Variants in TNFRSF1B observed in about 807,000 individuals in gnomAD.
TNFRSF1B encodes the protein tumor necrosis factor receptor superfamily member 1B.
Under a neutral mutation model 44.6 loss-of-function variants are expected in TNFRSF1B, and 19 were observed. That is an observed-to-expected ratio of 0.43 (90% confidence interval 0.30 to 0.62). The LOEUF (loss-of-function observed/expected upper bound fraction) is 0.62. Ranked by LOEUF, TNFRSF1B falls within the 20% of genes least tolerant of loss-of-function variation. TNFRSF1B has a pLI of 0.16. For synonymous variants in TNFRSF1B, 252 were observed against 261.1 expected (o/e 0.97, Z 0.34); for missense variants, 541 against 619.9 (o/e 0.87, Z 1.35).
rs1638676931 is a variant in TNFRSF1B at position 12,177,140 on chromosome 1, C to T, written c.78+9971C>T. Among the ~76,000 whole-genome samples, 1 of 152,104 alleles carries T rather than the reference C, an allele frequency of 6.6e-6. No individual in the cohort carries two copies. The highest frequency in any genetic ancestry group is 2.4e-5 in the African/African-American group (1 of 41,426). ...ACCTCAGCCTCCCAAGTAGCTGGGA[C>T]TACAGGCGTGCCCCACCACGCCTGG... On this transcript the variant is annotated intron_variant, in intron 1 of 9. Coordinates refer to ENST00000376259, the MANE Select transcript of TNFRSF1B (RefSeq NM_001066.3). This position sits in a 1 kb window ranked among gnomAD's most constrained non-coding sequence, Gnocchi z 4.3.
chr1:12,197,923 A>T (rs1467257442), intron 8 of TNFRSF1B, among the ~76,000 whole-genome samples: 1 of 152,166 alleles, frequency 6.6e-6, no homozygotes, highest in Non-Finnish European at 1.5e-5. Flanking sequence ...CAGGAGATCG[A>T]GACCATCCTG....
chr1:12,191,224 C>A lies in TNFRSF1B; in HGVS notation c.307+139C>A, dbSNP rs79292176. On this transcript the variant is annotated intron_variant, in intron 3 of 9. Coordinates refer to ENST00000376259, the MANE Select transcript of TNFRSF1B (RefSeq NM_001066.3). ...AAGTGGCACAGGTGCAGCTGTTTAC[C>A]CCTACCACTGGCATTTTCCTCCTCT... is the stretch of plus-strand genomic sequence containing the variant. The A allele has an allele frequency of 2.5e-4, 290 of 1,178,344 alleles. No individual in the cohort carries two copies. The East Asian group carries it at 6.7e-3, about 27-fold the overall frequency. The allele number at this position is 1,178,344 out of a possible 1,614,324, so 73.0% of individuals were successfully genotyped here.
intron 1 of TNFRSF1B, among the ~76,000 whole-genome samples, chr1:12,181,153 C>A (rs1020210380): frequency 1.3e-5 from 2 of 152,162 alleles, no homozygotes; most frequent in African/African-American, 4.8e-5. Flanking sequence ...CCCACACTTA[C>A]CCTGGAGGCA....
At position 12,191,870 on chromosome 1, in the gene TNFRSF1B, G is replaced by T; in HGVS notation, c.404G>T (p.Arg135Leu). 6.2e-7 allele frequency: 1 copy of T among 1,611,660 alleles called. No homozygotes were observed. Among genetic ancestry groups the T allele is most frequent in the Non-Finnish European group, 8.5e-7 (1 of 1,179,538 alleles). Residue 135 changes from arginine to leucine, a missense_variant, in exon 4 of 10, where the codon CGG becomes CTG. By Grantham distance (102) the Arg-to-Leu change is moderately radical. Transcript: ENST00000376259. ...YCALSKQEGC[R>L]LCAPLRKCRP... is the part of the protein sequence containing the mutation. Reference sequence around the variant, plus strand: ...GCGCTGAGCAAGCAGGAGGGGTGCCGGCTGTGCGCGCCGCTGCGCAAGTGC... The same window carrying T: ...GCGCTGAGCAAGCAGGAGGGGTGCCTGCTGTGCGCGCCGCTGCGCAAGTGC...
rs5746026 is a variant in TNFRSF1B, at chr1:12,193,005, G to A, written c.694G>A (p.Glu232Lys). ...TRSQHTQPTP[E>K]PSTAPSTSFL... ...ATCCCAACACACGCAGCCAACTCCA[G>A]AACCCAGCACTGCTCCAAGCACCTC... The change falls in exon 6 of 10, where the codon GAA becomes AAA. Residue 232 changes from glutamate (E) to lysine (K), a missense_variant. By Grantham distance (56) the Glu-to-Lys change is moderately conservative. Transcript: ENST00000376259. 54,025 of 1,614,192 alleles carry A rather than the reference G, an allele frequency of 0.033. 1,000 individuals carry two copies. Among genetic ancestry groups the A allele is most frequent in the East Asian group, 0.041 (1,825 of 44,882 alleles).
At chr1:12,185,050 G>C (rs530060917) in intron 1 of TNFRSF1B, among the ~76,000 whole-genome samples, 38 of 152,316 alleles carry the variant, frequency 2.5e-4, no homozygotes, top group African/African-American at 8.4e-4. Context: ...AGCCTTCAGG[G>C]AAGGCAGTTT....
In TNFRSF1B at chr1:12,186,331, G is replaced by A. The variant is rs1035881703; in HGVS notation, c.79-2465G>A. ...GACTCCCAGGCAGTGCTGTGAGGAA[G>A]GGGAGGAGGAGGCACACTGAACCCA... is the stretch of plus-strand genomic sequence containing the variant. On this transcript the variant is annotated intron_variant, in intron 1 of 9. Coordinates refer to ENST00000376259, the MANE Select transcript of TNFRSF1B (RefSeq NM_001066.3). This position sits in a 1 kb window ranked among gnomAD's most constrained non-coding sequence, Gnocchi z 4.8. 6.6e-6 allele frequency among the ~76,000 whole-genome samples: 1 copy of A among 152,204 alleles called. No homozygotes were observed. The highest frequency in any genetic ancestry group is 1.9e-4 in the East Asian group (1 of 5,184).
intron 1 of TNFRSF1B, among the ~76,000 whole-genome samples, chr1:12,183,699 T>TCTAGCTATCTAG (rs1261488706): frequency 5.9e-5 from 6 of 102,326 alleles, no homozygotes; most frequent in African/African-American, 1.9e-4. Flanking sequence ...TATCTATCTA[T>TCTAGCTATCTAG]CTATCTATCT....
intron 1 of TNFRSF1B, among the ~76,000 whole-genome samples, chr1:12,170,423 G>A (rs1638495385): frequency 6.6e-6 from 1 of 152,188 alleles, no homozygotes; most frequent in Admixed American, 6.5e-5. Flanking sequence ...TTGTCACAGA[G>A]CCATGGGTGT....
At position 12,168,113 on chromosome 1, in the gene TNFRSF1B, T is replaced by TG. The variant is rs917066188; in HGVS notation, c.78+950dup. Among the ~76,000 whole-genome samples, 9 of 152,194 alleles carry TG rather than the reference T, an allele frequency of 5.9e-5. No individual in the cohort carries two copies. The highest frequency in any genetic ancestry group is 2.2e-4 in the African/African-American group (9 of 41,456). Reference sequence around the variant, plus strand: ...AGAACTTGTATTTCATGGAAGGGTCTGGGGGGAACTCTTCCTCCAAAGGGG... The same window carrying TG: ...AGAACTTGTATTTCATGGAAGGGTCTGGGGGGGAACTCTTCCTCCAAAGGGG... On this transcript the variant is annotated intron_variant, in intron 1 of 9. Transcript: ENST00000376259. The surrounding 1 kb of genome is among the most constrained non-coding windows in gnomAD (Gnocchi z 4.7).
intron 8 of TNFRSF1B, among the ~76,000 whole-genome samples, chr1:12,200,644 T>G (rs566844671): frequency 4.6e-5 from 7 of 152,254 alleles, no homozygotes; most frequent in African/African-American, 1.4e-4. Context: ...TTTTTTGAGA[T>G]GGAGTTTCAC....
chr1:12,194,393 G>T lies in TNFRSF1B; in HGVS notation c.866-191G>T, dbSNP rs56286668. Among the ~76,000 whole-genome samples, 606 of 152,194 alleles carry T rather than the reference G, an allele frequency of 4.0e-3. 5 individuals are homozygous for T. Among genetic ancestry groups the T allele is most frequent in the African/African-American group, 0.014 (566 of 41,498 alleles). Reference sequence around the variant, plus strand: ...GGAGGCGCGGATGGTATAGATGGGGGACTGGAGAATGGTTGGGATGGTGGC... The same window carrying T: ...GGAGGCGCGGATGGTATAGATGGGGTACTGGAGAATGGTTGGGATGGTGGC... On this transcript the variant is annotated intron_variant, in intron 7 of 9. Transcript: ENST00000376259.
At chr1:12,179,209 C>T (rs957439188) in intron 1 of TNFRSF1B, among the ~76,000 whole-genome samples, 2 of 152,168 alleles carry the variant, frequency 1.3e-5, no homozygotes, top group African/African-American at 2.4e-5. Flanking sequence ...GGCAGCGAGT[C>T]GGGAGTGGGA....
At chr1:12,195,800 A>C (rs1382196841) in intron 8 of TNFRSF1B, among the ~76,000 whole-genome samples, 2 of 152,010 alleles carry the variant, frequency 1.3e-5, no homozygotes, top group Non-Finnish European at 2.9e-5. Context: ...ACCCAATTTG[A>C]CAGATGAGAA....
chr1:12,200,914 C>T (rs1639377615), intron 8 of TNFRSF1B, among the ~76,000 whole-genome samples: 1 of 152,192 alleles, frequency 6.6e-6, no homozygotes, highest in South Asian at 2.1e-4. Context: ...AGCCACCAAG[C>T]CTGGCCACAA....
intron 9 of TNFRSF1B, among the ~76,000 whole-genome samples, chr1:12,205,603 C>A (rs1279775226): frequency 1.3e-5 from 2 of 152,032 alleles, no homozygotes; most frequent in African/African-American, 4.8e-5. Context: ...GGCAGGGTGA[C>A]CCTTGCAGAA....
chr1:12,192,250 G>C, intron 4 of TNFRSF1B, 181 bp from the exon 5 acceptor site: 2 of 714,672 alleles, frequency 2.8e-6, no homozygotes, highest in South Asian at 3.0e-5. Context: ...ACAGGAATCT[G>C]TGTGTGTGCA....
At chr1:12,172,924 A>G (rs1638553156) in intron 1 of TNFRSF1B, among the ~76,000 whole-genome samples, 1 of 152,218 alleles carries the variant, frequency 6.6e-6, no homozygotes, top group South Asian at 2.1e-4. Context: ...ATTCCAGGCC[A>G]TCTCCAAAAC....
chr1:12,185,860 G>A (rs985351656), intron 1 of TNFRSF1B, among the ~76,000 whole-genome samples: 7 of 152,200 alleles, frequency 4.6e-5, no homozygotes, highest in Non-Finnish European at 1.0e-4. Context: ...TGCAGCCTCA[G>A]GGGGGCTTCC....
Sources: gnomAD v4.1 joint callset for allele counts (sites outside exome capture counted in the v4.1 genomes callset) on GRCh38, gnomAD v4.1.1 for gene constraint, Gnocchi (gnomAD v3.1) non-coding constraint, MANE v1.5 for transcripts, NCBI Gene and HGNC (gene_info 2026-07-23, HGNC 2026-07-21) for gene names.